The following TINAG variants were observed in gnomAD, a reference collection of about 807,000 sequenced individuals.
TINAG encodes tubulointerstitial nephritis antigen.
TINAG carries 83 observed loss-of-function variants against 72.7 expected under a neutral mutation model. The observed-to-expected ratio is 1.14, with a 90% CI of 0.96 to 1.37. TINAG has a LOEUF of 1.37. Among genes scored for constraint, TINAG ranks in the 40% most tolerant of loss-of-function variants. The pLI is 0.00. For missense variants in TINAG, 685 were observed against 576.6 expected, an observed-to-expected ratio of 1.19 and a Z score of -1.93; for synonymous variants, 234 against 189.9, an observed-to-expected ratio of 1.23 and a Z score of -1.91.
intron 4 of TINAG, among the ~76,000 whole-genome samples, chr6:54,335,970 G>A (rs1054654190): frequency 3.3e-5 from 5 of 152,074 alleles, no homozygotes; most frequent in South Asian, 2.1e-4. Context: ...GTTTAGATTC[G>A]GGAAATTATT....
At chr6:54,352,136 A>C (rs926647047) in intron 8 of TINAG, among the ~76,000 whole-genome samples, 1 of 151,868 alleles carries the variant, frequency 6.6e-6, no homozygotes, top group African/African-American at 2.4e-5. Context: ...TGAGGTCTAA[A>C]ATGAAAATTT....
chr6:54,311,509 C>T (rs562416682), intron 1 of TINAG, among the ~76,000 whole-genome samples: 374 of 152,258 alleles, frequency 2.5e-3, no homozygotes, highest in African/African-American at 7.7e-3. Context: ...TAGTACTATA[C>T]GGGGACACGT....
At chr6:54,358,089 C>T (rs542663425) in intron 9 of TINAG, among the ~76,000 whole-genome samples, 2 of 151,834 alleles carry the variant, frequency 1.3e-5, no homozygotes, top group South Asian at 4.1e-4. Context: ...TTTCCCTCTA[C>T]CTAAAATGCT....
chr6:54,350,507 C>T (rs1250463616), intron 7 of TINAG, among the ~76,000 whole-genome samples: 1 of 151,472 alleles, frequency 6.6e-6, no homozygotes, highest in Non-Finnish European at 1.5e-5. Flanking sequence ...CACTCATGTC[C>T]TGCCAGCATC....
intron 3 of TINAG, among the ~76,000 whole-genome samples, chr6:54,324,669 G>T (rs1449128998): frequency 6.6e-6 from 1 of 152,110 alleles, no homozygotes; most frequent in African/African-American, 2.4e-5. Flanking sequence ...CTGGCATCTT[G>T]CTCTATCTGC....
At chr6:54,330,386 A>C (rs1246623218) in intron 4 of TINAG, among the ~76,000 whole-genome samples, 1 of 152,232 alleles carries the variant, frequency 6.6e-6, no homozygotes, top group African/African-American at 2.4e-5. Flanking sequence ...AGTCAGAAAT[A>C]AATAAGTTCT....
chr6:54,384,230 C>T (rs550950154), intron 10 of TINAG, among the ~76,000 whole-genome samples: 2 of 152,174 alleles, frequency 1.3e-5, no homozygotes, highest in Non-Finnish European at 2.9e-5. Flanking sequence ...AGAGGGATAG[C>T]ATTAGGAGAA....
Position 54,389,904 on chromosome 6 carries a change from G to C in TINAG, c.1410G>C (p.Leu470=), listed in dbSNP as rs1234492429. The change falls in exon 11 of 11, where the codon CTG becomes CTC. Residue 470 remains leucine (L), a synonymous_variant. Transcript: ENST00000259782. ...EKLIIAAWGQ[L]TSSDEP ...TGATTATCGCAGCTTGGGGCCAACT[G>C]ACGAGTTCTGATGAACCATAACATA... 1 of 1,611,484 alleles carries C rather than the reference G, an allele frequency of 6.2e-7. No homozygotes were observed. The highest frequency in any genetic ancestry group is 2.2e-5 in the East Asian group (1 of 44,772).
chr6:54,308,534 T>G lies in TINAG; in HGVS notation c.-17T>G. 1 of 1,590,924 alleles carries G rather than the reference T, an allele frequency of 6.3e-7. No homozygotes were observed. On this transcript the variant is annotated 5_prime_UTR_variant, in exon 1 of 11. Transcript: ENST00000259782. ...TGGATATAACGGAAAGTGGAAGCTA[T>G]ACCTGACTTCCAGAGAATGTGGACC...
At chr6:54,374,948 T>A (rs376955292) in intron 9 of TINAG, among the ~76,000 whole-genome samples, 1 of 152,238 alleles carries the variant, frequency 6.6e-6, no homozygotes, top group East Asian at 1.9e-4. Flanking sequence ...ATACAGAGTT[T>A]GTCTGCCCAG....
intron 1 of TINAG, among the ~76,000 whole-genome samples, chr6:54,315,439 G>A (rs1784349641): frequency 6.6e-6 from 1 of 151,930 alleles, no homozygotes; most frequent in Non-Finnish European, 1.5e-5. Context: ...AGGTCAAGGT[G>A]GGAGTATCTC....
intron 4 of TINAG, among the ~76,000 whole-genome samples, chr6:54,336,380 T>C (rs1310026174): frequency 6.6e-6 from 1 of 152,170 alleles, no homozygotes; most frequent in Non-Finnish European, 1.5e-5. Flanking sequence ...GCATTTTCTT[T>C]TATAAAGAAA....
At chr6:54,386,625 C>T (rs915981740) in intron 10 of TINAG, among the ~76,000 whole-genome samples, 20 of 152,164 alleles carry the variant, frequency 1.3e-4, no homozygotes, top group African/African-American at 4.6e-4. Flanking sequence ...AACAAAATTT[C>T]TGACTTCTAA....
chr6:54,363,699 A>G (rs1211447316), intron 9 of TINAG, among the ~76,000 whole-genome samples: 1 of 151,532 alleles, frequency 6.6e-6, no homozygotes, highest in Non-Finnish European at 1.5e-5. Context: ...TACACAGAAA[A>G]AGAAGACAGA....
At chr6:54,338,111 T>G (rs899455110) in intron 4 of TINAG, among the ~76,000 whole-genome samples, 2 of 152,302 alleles carry the variant, frequency 1.3e-5, no homozygotes, top group South Asian at 4.1e-4. Context: ...TCACCTACAC[T>G]TTTAGCAGAA....
chr6:54,308,979 C>T (rs1784177871), intron 1 of TINAG, 74 bp downstream of exon 1: 2 of 1,252,458 alleles, frequency 1.6e-6, no homozygotes, highest in African/African-American at 3.0e-5. Flanking sequence ...CTCTCTTTTT[C>T]TTCTTTCTTT....
chr6:54,358,907 C>T (rs1161374619), intron 9 of TINAG, among the ~76,000 whole-genome samples: 1 of 151,728 alleles, frequency 6.6e-6, no homozygotes, highest in Non-Finnish European at 1.5e-5. Context: ...GTCCTCATTA[C>T]AAAAATCTTA....
In TINAG at chr6:54,308,784, T is replaced by C; in HGVS notation, c.234T>C (p.Asn78=). Residue 78 remains asparagine (N), a synonymous_variant, in exon 1 of 11, where the codon AAT becomes AAC. Coordinates refer to ENST00000259782, the MANE Select transcript of TINAG (RefSeq NM_014464.4). ...DGCVTEFYAA[N]ALCYCDKFCD... is the part of the protein sequence containing the mutation. The stretch of plus-strand genomic sequence containing the variant: ...GTGTCACTGAGTTCTATGCGGCGAA[T>C]GCGTTGTGCTACTGTGATAAATTCT... 6.2e-7 allele frequency: 1 copy of C among 1,613,890 alleles called. No individual in the cohort carries two copies. Among genetic ancestry groups the C allele is most frequent in the Non-Finnish European group, 8.5e-7 (1 of 1,179,894 alleles).
intron 4 of TINAG, among the ~76,000 whole-genome samples, chr6:54,339,680 A>G (rs1784951617): frequency 6.6e-6 from 1 of 152,254 alleles, no homozygotes; most frequent in Non-Finnish European, 1.5e-5. Flanking sequence ...AAGGTAAGGC[A>G]CAAAGACAAA....
Sources: allele counts gnomAD v4.1 joint callset (sites outside exome capture counted in the v4.1 genomes callset), GRCh38; gene constraint gnomAD v4.1.1; transcripts MANE v1.5; gene names NCBI Gene and HGNC (gene_info 2026-07-23, HGNC 2026-07-21).